The following HACL2 variants were observed in gnomAD, a reference collection of about 807,000 sequenced individuals.
The protein encoded by HACL2 is 2-hydroxyacyl-CoA lyase 2.
the HACL2 span, chr19:15,115,898 T>A: frequency 1.8e-5 from 29 of 1,613,918 alleles, no homozygotes; most frequent in Non-Finnish European, 2.4e-5. Flanking sequence ...AGCCAAAAGC[T>A]CCGTCCCCAA....
the HACL2 span, chr19:15,124,754 A>G: frequency 1.1e-6 from 1 of 927,406 alleles, no homozygotes. Context: ...CCAGGCCTCC[A>G]TACACAGCGT....
chr19:15,119,386 G>A, the HACL2 span: 338 of 1,613,094 alleles, frequency 2.1e-4, no homozygotes, highest in Middle Eastern at 8.3e-4. Context: ...GACTGGGAAC[G>A]TGAAAACAAG....
chr19:15,123,508 C>T, the HACL2 span: 2 of 1,614,060 alleles, frequency 1.2e-6, no homozygotes, highest in South Asian at 2.2e-5. The surrounding 1 kb of genome is among the most constrained non-coding windows in gnomAD (Gnocchi z 5.1). Flanking sequence ...TGAAGATGAA[C>T]CGCACACCAT....
the HACL2 span, chr19:15,115,613 T>C: frequency 1.2e-6 from 2 of 1,613,930 alleles, no homozygotes; most frequent in Non-Finnish European, 1.7e-6. Flanking sequence ...AGAGGGCACC[T>C]GCTCCCGAGA....
At chr19:15,123,642 G>T in the HACL2 span, 1 of 1,473,426 alleles carries the variant, frequency 6.8e-7, no homozygotes, top group Non-Finnish European at 9.4e-7. The surrounding 1 kb of genome is among the most constrained non-coding windows in gnomAD (Gnocchi z 5.1). Context: ...GGGAAAGGGG[G>T]CAATCCCCCT....
At chr19:15,124,690 T>A in the HACL2 span, 5 of 541,220 alleles carry the variant, frequency 9.2e-6, no homozygotes, top group African/African-American at 2.0e-5. Context: ...GTAGGTGGGG[T>A]GCGAGTGCCC....
the HACL2 span, chr19:15,117,804 A>G: frequency 1.3e-6 from 2 of 1,572,730 alleles, no homozygotes; most frequent in Non-Finnish European, 1.7e-6. Context: ...TACCAGGCTC[A>G]AGCCAGCTGC....
At chr19:15,116,401 G>T in the HACL2 span, 1 of 1,613,796 alleles carries the variant, frequency 6.2e-7, no homozygotes, top group South Asian at 1.1e-5. Context: ...CTCCACCCAG[G>T]CCCCACCGAA....
chr19:15,117,915 T>C, the HACL2 span: 1 of 1,614,072 alleles, frequency 6.2e-7, no homozygotes, highest in Admixed American at 1.7e-5. Context: ...AGAAGATGTC[T>C]GAGTTGAGCA....
At chr19:15,120,013 G>A in the HACL2 span, 1 of 1,550,694 alleles carries the variant, frequency 6.4e-7, no homozygotes, top group Non-Finnish European at 8.7e-7. Context: ...GATGTCCAGG[G>A]GCAGCGGTCC....
At chr19:15,124,595 G>GC in the HACL2 span, 1 of 342,924 alleles carries the variant, frequency 2.9e-6, no homozygotes, top group Non-Finnish European at 5.4e-6. Context: ...GCTGGAGCCT[G>GC]CCCTCTGCCC....
At chr19:15,121,136 G>A in the HACL2 span, among the ~76,000 whole-genome samples, 1 of 152,062 alleles carries the variant, frequency 6.6e-6, no homozygotes, top group Non-Finnish European at 1.5e-5. Context: ...GACTGCACCT[G>A]TATTCCCAGC....
At chr19:15,125,250 C>T in the HACL2 span, 2 of 636,848 alleles carry the variant, frequency 3.1e-6, no homozygotes, top group African/African-American at 1.9e-5. Context: ...TGAAGCCATG[C>T]CTCTCCGTGA....
At chr19:15,122,970 A>C in the HACL2 span, 1 of 1,603,864 alleles carries the variant, frequency 6.2e-7, no homozygotes. This position sits in a 1 kb window ranked among gnomAD's most constrained non-coding sequence, Gnocchi z 4.0. Context: ...ACAGACACAC[A>C]AAACTTACAG....
the HACL2 span, chr19:15,119,352 C>T: frequency 1.7e-4 from 275 of 1,608,004 alleles, no homozygotes; most frequent in Non-Finnish European, 2.3e-4. Flanking sequence ...CCTCCCGCCT[C>T]CCCAAGAGCA....
the HACL2 span, chr19:15,115,583 C>T: frequency 6.2e-7 from 1 of 1,613,534 alleles, no homozygotes; most frequent in Non-Finnish European, 8.5e-7. Flanking sequence ...GGCCAGGCCA[C>T]AGGCCACGTT....
At chr19:15,120,004 A>C in the HACL2 span, 2 of 1,549,860 alleles carry the variant, frequency 1.3e-6, no homozygotes, top group Non-Finnish European at 1.7e-6. Context: ...AGCCTGGGGG[A>C]TGTCCAGGGG....
At chr19:15,117,510 CA>C in the HACL2 span, 48 of 169,762 alleles carry the variant, frequency 2.8e-4, no homozygotes, top group South Asian at 8.8e-4. Flanking sequence ...GCTGATTCCA[CA>C]AAAAAAAATT....
chr19:15,119,565 T>A, the HACL2 span: 2 of 1,497,282 alleles, frequency 1.3e-6, no homozygotes, highest in Non-Finnish European at 9.2e-7. Flanking sequence ...TTATTTATTT[T>A]TTTGAGACAC....
Sources: gnomAD v4.1 joint callset for allele counts (sites outside exome capture counted in the v4.1 genomes callset) on GRCh38, gnomAD v4.1.1 for gene constraint, Gnocchi (gnomAD v3.1) non-coding constraint, MANE v1.5 for transcripts, NCBI Gene and HGNC (gene_info 2026-07-23, HGNC 2026-07-21) for gene names.